MED12L: variants seen among roughly 807,000 people sequenced by gnomAD.
MED12L encodes the protein mediator of RNA polymerase II transcription subunit 12-like protein.
A neutral mutation model predicts 281.3 loss-of-function variants in MED12L; 60 were observed. The ratio of observed to expected loss-of-function variants is 0.21; its 90% CI spans 0.17 to 0.26. The LOEUF is 0.26. Among genes scored for constraint, MED12L ranks in the 10% least tolerant of loss-of-function variants. The pLI, the probability that MED12L is intolerant of heterozygous loss-of-function variation, is 1.00. For missense variants in MED12L, 2,146 were observed against 2,680.9 expected, an observed-to-expected ratio of 0.80 and a Z score of 4.41; for synonymous variants, 974 against 987.2, an observed-to-expected ratio of 0.99 and a Z score of 0.25.
chr3:151,170,487 G>C (rs1721295457), intron 11 of MED12L, among the ~76,000 whole-genome samples: 1 of 151,876 alleles, frequency 6.6e-6, no homozygotes, highest in African/African-American at 2.4e-5. Flanking sequence ...TGTTGGCCAG[G>C]CTGTTCTTGA....
At chr3:151,214,367 C>T (rs764401659) in intron 16 of MED12L, 2 of 1,475,174 alleles carry the variant, frequency 1.4e-6, no homozygotes, top group African/African-American at 2.8e-5. Context: ...ACTGGTCACT[C>T]ATAGGGCACT....
intron 39 of MED12L, among the ~76,000 whole-genome samples, chr3:151,402,047 A>T (rs1577568046): frequency 6.6e-6 from 1 of 152,362 alleles, no homozygotes; most frequent in East Asian, 1.9e-4. Context: ...TGGCAGCTGG[A>T]TCTAAAGACC....
At chr3:151,211,178 C>G (rs1454487794) in intron 16 of MED12L, among the ~76,000 whole-genome samples, 2 of 152,188 alleles carry the variant, frequency 1.3e-5, no homozygotes, top group Non-Finnish European at 2.9e-5. Context: ...CATGTTGTTT[C>G]CTGAAAAATA....
intron 16 of MED12L, among the ~76,000 whole-genome samples, chr3:151,201,929 TATAAA>T (rs1368945505): frequency 2.6e-5 from 4 of 152,216 alleles, no homozygotes; most frequent in Admixed American, 2.0e-4. Context: ...CTTGCACAAC[TATAAA>T]ATAAGTCTGT....
Position 151,435,034 on chromosome 3 carries a change from CCT to C in MED12L, c.*2231_*2232del, listed in dbSNP as rs999336205. 2 of 149,858 alleles carry C rather than the reference CCT, an allele frequency of 1.3e-5. No individual in the cohort carries two copies. The highest frequency in any genetic ancestry group is 6.6e-5 in the Admixed American group (1 of 15,106). 9.3% of individuals were successfully genotyped at this position (149,858 alleles called of 1,614,324 possible). On this transcript the variant is annotated 3_prime_UTR_variant, in exon 45 of 45. Transcript: ENST00000687756. ...ATTACTTTAGTCTTCAGATTTTCTC[CCT>C]GTTAATTCTGTATCTTGAGAGGTTT...
intron 43 of MED12L, among the ~76,000 whole-genome samples, chr3:151,422,751 G>A (rs1306154394): frequency 6.7e-6 from 1 of 149,254 alleles, no homozygotes; most frequent in Non-Finnish European, 1.5e-5. Flanking sequence ...GGTGAGAGAA[G>A]TTTGGGAAGC....
At chr3:151,261,606 G>A (rs1043892732) in intron 16 of MED12L, among the ~76,000 whole-genome samples, 4 of 152,116 alleles carry the variant, frequency 2.6e-5, no homozygotes, top group African/African-American at 9.7e-5. Flanking sequence ...AGAACTTGCT[G>A]GAAATGCAAG....
At chr3:151,096,522 C>T (rs1720736379) in intron 2 of MED12L, among the ~76,000 whole-genome samples, 1 of 152,054 alleles carries the variant, frequency 6.6e-6, no homozygotes, top group African/African-American at 2.4e-5. Flanking sequence ...TTGGTCCTAT[C>T]AGAAATGGAG....
rs1719937694 is a variant in MED12L at position 151,434,972 on chromosome 3, T to C, written c.*2168T>C. On this transcript the variant is annotated 3_prime_UTR_variant, in exon 45 of 45. Transcript: ENST00000687756. ...GATTCTATTGAAAGTTGAGGAATGCTGTTTTACCCCTGCGCATTATAAAGA... is the reference window on the plus strand; with the variant it reads ...GATTCTATTGAAAGTTGAGGAATGCCGTTTTACCCCTGCGCATTATAAAGA... 1 of 151,342 alleles carries C rather than the reference T, an allele frequency of 6.6e-6. No individual in the cohort carries two copies. The highest frequency in any genetic ancestry group is 1.5e-5 in the Non-Finnish European group (1 of 67,976). The allele number at this position is 151,342 out of a possible 1,614,324, so 9.4% of individuals were successfully genotyped here. A position where few individuals can be genotyped will look rare whatever the true frequency, so the allele number is the denominator to read the frequency against.
chr3:151,286,685 A>G (rs1248397163), intron 16 of MED12L, among the ~76,000 whole-genome samples: 1 of 152,188 alleles, frequency 6.6e-6, no homozygotes, highest in East Asian at 1.9e-4. Flanking sequence ...CTTAACATAG[A>G]CATATTTTCC....
intron 20 of MED12L, among the ~76,000 whole-genome samples, chr3:151,359,433 C>T (rs1482436678): frequency 6.6e-6 from 1 of 152,104 alleles, no homozygotes; most frequent in Non-Finnish European, 1.5e-5. Context: ...TACTACATTG[C>T]CATTTCCTCA....
At chr3:151,339,645 A>G (rs1001190412) in intron 16 of MED12L, among the ~76,000 whole-genome samples, 1 of 152,050 alleles carries the variant, frequency 6.6e-6, no homozygotes, top group Non-Finnish European at 1.5e-5. Flanking sequence ...AAAACAGTAA[A>G]AAAAAAAATA....
At chr3:151,253,691 C>T (rs1737264476) in intron 16 of MED12L, among the ~76,000 whole-genome samples, 1 of 151,974 alleles carries the variant, frequency 6.6e-6, no homozygotes, top group African/African-American at 2.4e-5. Flanking sequence ...GATGTTGCCC[C>T]AGTCTCATTC....
rs755185709 is a variant in MED12L, at chr3:151,360,624, A to G, written c.2957+19A>G. ...TCTTCAGGTGAGTAGAAGAGACTCAAAAGGACAGAAATAGGATCATGCCTA... is the reference window on the plus strand; with the variant it reads ...TCTTCAGGTGAGTAGAAGAGACTCAGAAGGACAGAAATAGGATCATGCCTA... On this transcript the variant is annotated intron_variant, in intron 21 of 44. Coordinates refer to ENST00000687756, the MANE Select transcript of MED12L (RefSeq NM_001393769.1). 4.1e-5 allele frequency: 66 copies of G among 1,602,868 alleles called. No individual in the cohort carries two copies. Among genetic ancestry groups the G allele is most frequent in the Non-Finnish European group, 5.5e-5 (65 of 1,174,980 alleles).
chr3:151,407,813 G>A (rs1301063100), intron 39 of MED12L, among the ~76,000 whole-genome samples: 1 of 152,138 alleles, frequency 6.6e-6, no homozygotes, highest in East Asian at 1.9e-4. Flanking sequence ...TCATTCATGT[G>A]TAGATAGATA....
intron 16 of MED12L, among the ~76,000 whole-genome samples, chr3:151,293,750 G>C (rs1487287276): frequency 6.6e-6 from 1 of 152,064 alleles, no homozygotes; most frequent in Non-Finnish European, 1.5e-5. Context: ...CAGAGAATGA[G>C]GGGATGACTG....
chr3:151,238,640 A>G (rs1037394775), intron 16 of MED12L, among the ~76,000 whole-genome samples: 2 of 152,192 alleles, frequency 1.3e-5, no homozygotes, highest in African/African-American at 2.4e-5. Flanking sequence ...AAATCAAGGC[A>G]GTGCACTCAA....
chr3:151,425,245 C>CA (rs1418009509), intron 43 of MED12L: 6 of 168,302 alleles, frequency 3.6e-5, no homozygotes, highest in African/African-American at 1.4e-4. Context: ...AGTTTTGAGA[C>CA]AAAAAATATT....
At chr3:151,328,657 C>CA in intron 16 of MED12L, 1 of 1,613,888 alleles carries the variant, frequency 6.2e-7, no homozygotes, top group South Asian at 1.1e-5. Flanking sequence ...TGAGCCCTAA[C>CA]AGCACGATGC....
Sources: allele counts gnomAD v4.1 joint callset (sites outside exome capture counted in the v4.1 genomes callset), GRCh38; gene constraint gnomAD v4.1.1; transcripts MANE v1.5; gene names NCBI Gene and HGNC (gene_info 2026-07-23, HGNC 2026-07-21).